Variants in SLC12A4 observed in about 807,000 individuals in gnomAD.
SLC12A4 encodes solute carrier family 12 member 4.
In SLC12A4, 84 loss-of-function variants were observed where a neutral mutation model predicts 119.2. The ratio of observed to expected loss-of-function variants is 0.70; its 90% confidence interval spans 0.59 to 0.85. SLC12A4 has a LOEUF of 0.85. Ranked by LOEUF, SLC12A4 falls within the 40% of genes least tolerant of loss-of-function variation. The probability of loss-of-function intolerance (pLI) is 0.00; values close to 1 mark genes in which losing one functional copy is unlikely to be tolerated. For synonymous variants in SLC12A4, 599 were observed against 604.6 expected (o/e 0.99, Z 0.14); for missense variants, 1,298 against 1,476.3 (o/e 0.88, Z 1.98).
chr16:67,944,435 TC>T lies in SLC12A4; in HGVS notation c.*404del. 3 of 1,260,218 alleles carry T rather than the reference TC, an allele frequency of 2.4e-6. No homozygotes were observed. The highest frequency in any genetic ancestry group is 3.0e-6 in the Non-Finnish European group (3 of 1,001,038). 78.1% of individuals were successfully genotyped at this position (1,260,218 alleles called of 1,614,324 possible). ...GCCCATAGTAGACTGAGCCAGATCT[TC>T]CTGCAGGCAGCTGGGCTGGACTCCC... On this transcript the variant is annotated 3_prime_UTR_variant, in exon 24 of 24. Coordinates refer to ENST00000316341, the MANE Select transcript of SLC12A4 (RefSeq NM_005072.5). This position sits in a 1 kb window ranked among gnomAD's most constrained non-coding sequence, Gnocchi z 6.6.
At chr16:67,968,037 G>A (rs1176240657) in intron 1 of SLC12A4, among the ~76,000 whole-genome samples, 2 of 152,274 alleles carry the variant, frequency 1.3e-5, no homozygotes, top group South Asian at 2.1e-4. Flanking sequence ...AGGCAAAGAC[G>A]CTGAATCTCA....
At position 67,945,837 on chromosome 16, in the gene SLC12A4, C is replaced by G; in HGVS notation, c.2774G>C (p.Arg925Pro). The change falls in exon 21 of 24, where the codon CGG (arginine) becomes CCG (proline). Residue 925 changes from arginine to proline, a missense_variant. Arg to Pro is a moderately radical substitution (Grantham distance 103). Coordinates refer to ENST00000316341, the MANE Select transcript of SLC12A4 (RefSeq NM_005072.5). The stretch of plus-strand genomic sequence containing the variant: ...CGACCGCTGCTCCATCATCAGCGTC[C>G]GCTCGTAGGTGTATGCAGAGATGTC... The part of the protein sequence containing the change: ...NSDISAYTYE[R>P]TLMMEQRSQM... The G allele has an allele frequency of 6.2e-7, 1 of 1,613,976 alleles. No homozygotes were observed. Among genetic ancestry groups the G allele is most frequent in the Non-Finnish European group, 8.5e-7 (1 of 1,180,044 alleles).
chr16:67,946,647 ACC>A lies in SLC12A4; in HGVS notation c.2242-16_2242-15del. 1 of 1,599,188 alleles carries A rather than the reference ACC, an allele frequency of 6.3e-7. No homozygotes were observed. Among genetic ancestry groups the A allele is most frequent in the Non-Finnish European group, 8.6e-7 (1 of 1,169,458 alleles). On this transcript the variant is annotated splice_polypyrimidine_tract_variant and intron_variant, in intron 17 of 23. Transcript: ENST00000316341. ...GTTCTTGATGGTCTGTGGGGAACACACCCAGGGCCAATGGGAGGCCATCAGCT... is the reference window on the plus strand; with the variant it reads ...GTTCTTGATGGTCTGTGGGGAACACACAGGGCCAATGGGAGGCCATCAGCT...
chr16:67,947,487 GTC>G (rs1298868880), intron 15 of SLC12A4, 52 bp from the exon 16 acceptor site: 2 of 1,572,922 alleles, frequency 1.3e-6, no homozygotes, highest in African/African-American at 1.4e-5. Flanking sequence ...AGGGGGTTCT[GTC>G]TATGTGGATG....
rs11542822 is a variant in SLC12A4, at chr16:67,948,082, G to C, written c.1826C>G (p.Pro609Arg). The part of the protein sequence containing the change: ...QTLLRTPNWR[P>R]RFKYYHWALS... ...TCACCAGTGATAGTACTTGAACCGG[G>C]GCCGCCAGTTGGGGGTCCTCAGGAG... Residue 609 changes from proline to arginine, a missense_variant, in exon 14 of 24, where the codon CCC becomes CGC. Transcript: ENST00000316341. 39 of 1,613,022 alleles carry C rather than the reference G, an allele frequency of 2.4e-5. No homozygotes were observed. The highest frequency in any genetic ancestry group is 3.1e-5 in the Non-Finnish European group (37 of 1,179,964).
intron 1 of SLC12A4, 124 bp downstream of exon 1, chr16:67,968,315 A>G: frequency 1.2e-6 from 1 of 846,092 alleles, no homozygotes; most frequent in Non-Finnish European, 1.7e-6. Context: ...GGTCCAAAAA[A>G]AGTTGAGTCC....
rs1422374933 is a variant in SLC12A4, at chr16:67,944,784, C to G, written c.*56G>C. 6 of 1,593,630 alleles carry G rather than the reference C, an allele frequency of 3.8e-6. No individual in the cohort carries two copies. Among genetic ancestry groups the G allele is most frequent in the Non-Finnish European group, 5.1e-6 (6 of 1,171,350 alleles). On this transcript the variant is annotated 3_prime_UTR_variant, in exon 24 of 24. Transcript: ENST00000316341. The surrounding 1 kb of genome is among the most constrained non-coding windows in gnomAD (Gnocchi z 6.6). Reference sequence around the variant, plus strand: ...GGGAAGAGGCTGTTACCCCAGACCACAGCTTGTTATGTCCTGGCCAAGACC... The same window carrying G: ...GGGAAGAGGCTGTTACCCCAGACCAGAGCTTGTTATGTCCTGGCCAAGACC...
At chr16:67,959,686 C>T (rs561302233) in intron 3 of SLC12A4, among the ~76,000 whole-genome samples, 5 of 152,342 alleles carry the variant, frequency 3.3e-5, no homozygotes, top group Admixed American at 1.3e-4. Flanking sequence ...CCAGTCCCAC[C>T]CCCATCCCAG....
At position 67,951,165 on chromosome 16, in the gene SLC12A4, G is replaced by A. The variant is rs370616049; in HGVS notation, c.1272C>T (p.Val424=). 31 of 1,613,888 alleles carry A rather than the reference G, an allele frequency of 1.9e-5. No homozygotes were observed. The highest frequency in any genetic ancestry group is 2.3e-5 in the Non-Finnish European group (27 of 1,179,944). ...ADIATSFTVL[V]GIFFPSVTGI... ...CTGTTACAGAAGGGAAGAAGATGCC[G>A]ACCAGCACGGTGAAGGATGTGGCGA... Residue 424 remains valine (V), a synonymous_variant, in exon 9 of 24, where the codon GTC becomes GTT. Transcript: ENST00000316341. This position sits in a 1 kb window ranked among gnomAD's most constrained non-coding sequence, Gnocchi z 5.2.
In SLC12A4 at chr16:67,952,279, G is replaced by A. The variant is rs759928513; in HGVS notation, c.822C>T (p.Asn274=). 1 of 1,614,172 alleles carries A rather than the reference G, an allele frequency of 6.2e-7. No homozygotes were observed. The highest frequency in any genetic ancestry group is 1.1e-5 in the South Asian group (1 of 91,084). Residue 274 remains asparagine, a synonymous_variant, in exon 7 of 24, where the codon AAC becomes AAT. Transcript: ENST00000316341. ...LVVFVGVKYV[N]KFASLFLACV... is the part of the protein sequence containing the mutation. Reference sequence around the variant, plus strand: ...AGGCCAGGAAGAGCGAGGCAAATTTGTTCACATACTTGACCCCCACAAACA... The same window carrying A: ...AGGCCAGGAAGAGCGAGGCAAATTTATTCACATACTTGACCCCCACAAACA...
chr16:67,954,913 C>T, intron 5 of SLC12A4, 140 bp from the exon 6 acceptor site: 1 of 935,434 alleles, frequency 1.1e-6, no homozygotes, highest in Non-Finnish European at 1.6e-6. Flanking sequence ...GCTGGGAGAC[C>T]TACCCAGGGC....
chr16:67,968,638 G>A, upstream of SLC12A4: 1 of 1,282,394 alleles, frequency 7.8e-7, no homozygotes, highest in Non-Finnish European at 9.8e-7. Flanking sequence ...GGGCCGACAC[G>A]CCCCGCCCGC....
At chr16:67,963,609 T>C in intron 1 of SLC12A4, 50 bp from the exon 2 acceptor site, 1 of 1,377,656 alleles carries the variant, frequency 7.3e-7, no homozygotes, top group South Asian at 1.4e-5. Context: ...CCCCCCAGCC[T>C]GGGCCCCTTC....
Position 67,946,968 on chromosome 16 carries a change from T to A in SLC12A4, c.2210A>T (p.Glu737Val). 1 of 1,613,240 alleles carries A rather than the reference T, an allele frequency of 6.2e-7. No homozygotes were observed. The change falls in exon 17 of 24, where the codon GAG (glutamate) becomes GTG (valine). Residue 737 changes from glutamate to valine, a missense_variant. Physicochemically the swap from Glu to Val is moderately radical, Grantham distance 121. Coordinates refer to ENST00000316341, the MANE Select transcript of SLC12A4 (RefSeq NM_005072.5). ...GGCGGCCTGAGCCTCGCCATAGCTCTCCAAGAAGCTCCCCTGGATGACAGA... is the reference window on the plus strand; with the variant it reads ...GGCGGCCTGAGCCTCGCCATAGCTCACCAAGAAGCTCCCCTGGATGACAGA... The part of the protein sequence containing the change: ...VGSVIQGSFL[E>V]SYGEAQAAEQ...
chr16:67,968,334 G>C, intron 1 of SLC12A4, 105 bp downstream of exon 1: 3 of 1,004,702 alleles, frequency 3.0e-6, no homozygotes, highest in East Asian at 3.3e-5. Context: ...CCGCACCGAC[G>C]TGTGCGCGCA....
At chr16:67,947,476 C>T in intron 15 of SLC12A4, 41 bp from the exon 16 acceptor site, 1 of 1,593,048 alleles carries the variant, frequency 6.3e-7, no homozygotes, top group Non-Finnish European at 8.6e-7. Context: ...TGGTGCCGCC[C>T]AGGGGGTTCT....
intron 2 of SLC12A4, 130 bp downstream of exon 2, chr16:67,963,335 C>T: frequency 1.8e-6 from 1 of 555,652 alleles, no homozygotes; most frequent in South Asian, 2.5e-5. Flanking sequence ...AGCCCGGCTG[C>T]CATGAGAACC....
chr16:67,944,592 C>A lies in SLC12A4; in HGVS notation c.*248G>T. The A allele has an allele frequency of 7.4e-7, 1 of 1,356,576 alleles. No individual in the cohort carries two copies. The highest frequency in any genetic ancestry group is 9.5e-7 in the Non-Finnish European group (1 of 1,056,338). 84.0% of individuals were successfully genotyped at this position (1,356,576 alleles called of 1,614,324 possible). ...TCGGCCCCTACCAGTCTTCTCTGGC[C>A]AGGACAGGCCTACTGGGGTGCTAGA... On this transcript the variant is annotated 3_prime_UTR_variant, in exon 24 of 24. Transcript: ENST00000316341. This position sits in a 1 kb window ranked among gnomAD's most constrained non-coding sequence, Gnocchi z 6.6.
At chr16:67,963,955 C>T (rs2030731195) in intron 1 of SLC12A4, 1 of 1,551,374 alleles carries the variant, frequency 6.4e-7, no homozygotes, top group African/African-American at 1.4e-5. Flanking sequence ...GCCAAGGGTT[C>T]GGTGTCCTCA....
Sources: allele counts gnomAD v4.1 joint callset (sites outside exome capture counted in the v4.1 genomes callset), GRCh38; gene constraint gnomAD v4.1.1; non-coding constraint Gnocchi (gnomAD v3.1); transcripts MANE v1.5; gene names NCBI Gene and HGNC (gene_info 2026-07-23, HGNC 2026-07-21).